The following CTPS2 variants were observed in gnomAD, a reference collection of about 807,000 sequenced individuals.
CTPS2 encodes CTP synthase II.
CTPS2 carries 19 observed loss-of-function variants against 46.8 expected under a neutral mutation model. That is an observed-to-expected ratio of 0.41 (90% confidence interval 0.28 to 0.60). The LOEUF is 0.60. CTPS2 is among the 20% of genes least tolerant of loss of function. The pLI, the probability that CTPS2 is intolerant of heterozygous loss-of-function variation, is 0.35. For missense variants in CTPS2, 286 were observed against 447.6 expected, an observed-to-expected ratio of 0.64 and a Z score of 3.26; for synonymous variants, 151 against 165.2, an observed-to-expected ratio of 0.91 and a Z score of 0.66.
intron 8 of CTPS2, among the ~76,000 whole-genome samples, chrX:16,685,777 G>A (rs1431687007): frequency 9.8e-6 from 1 of 102,502 alleles, no homozygotes; most frequent in Non-Finnish European, 2.0e-5. Context: ...TGAGGCAGGA[G>A]AATGGCATGA....
At chrX:16,649,887 G>A (rs1932518531) in intron 13 of CTPS2, among the ~76,000 whole-genome samples, 1 of 111,953 alleles carries the variant, frequency 8.9e-6, no homozygotes, top group African/African-American at 3.2e-5. Context: ...TTTATGAAAT[G>A]TGAACTGTGA....
chrX:16,670,996 G>C (rs1297977393), intron 10 of CTPS2, among the ~76,000 whole-genome samples: 2 of 111,909 alleles, frequency 1.8e-5, no homozygotes, highest in Non-Finnish European at 3.8e-5. Context: ...ATAGGTTAAG[G>C]TTCTTTCAAA....
intron 10 of CTPS2, among the ~76,000 whole-genome samples, chrX:16,676,380 GA>G (rs1922275256): frequency 8.9e-6 from 1 of 111,802 alleles, no homozygotes; most frequent in South Asian, 3.7e-4. Context: ...ACCTCAAAAA[GA>G]GAGGAATTTA....
At chrX:16,637,187 C>T (rs1261828544) in intron 14 of CTPS2, among the ~76,000 whole-genome samples, 1 of 111,595 alleles carries the variant, frequency 9.0e-6, no homozygotes, top group Non-Finnish European at 1.9e-5. Context: ...CCTCCCACCT[C>T]AGCCTCCCAA....
intron 13 of CTPS2, among the ~76,000 whole-genome samples, chrX:16,657,746 C>T (rs991755374): frequency 1.8e-5 from 2 of 111,955 alleles, no homozygotes; most frequent in Non-Finnish European, 3.8e-5. Flanking sequence ...ATTAGCCTCT[C>T]AGCACTCTTA....
chrX:16,595,875 A>G (rs1445830458), intron 17 of CTPS2, among the ~76,000 whole-genome samples: 1 of 110,875 alleles, frequency 9.0e-6, no homozygotes, highest in East Asian at 2.9e-4. Flanking sequence ...TTTCCTTAAA[A>G]AAAATTTTTT....
At chrX:16,712,182 G>A (rs998851672) in intron 1 of CTPS2, 153 bp downstream of exon 1, 1 of 112,350 alleles carries the variant, frequency 8.9e-6, no homozygotes, top group Non-Finnish European at 1.9e-5. Context: ...TCAGCGCTGG[G>A]CAGGGAGCCG....
chrX:16,675,126 G>C (rs1212759997), intron 10 of CTPS2, among the ~76,000 whole-genome samples: 2 of 110,104 alleles, frequency 1.8e-5, no homozygotes, highest in African/African-American at 3.3e-5. Flanking sequence ...AAATTAGTCA[G>C]GCATGATGGC....
At position 16,673,439 on chromosome X, in the gene CTPS2, T is replaced by C. The variant is rs780606941; in HGVS notation, c.1095-2765A>G. Among the ~76,000 whole-genome samples the C allele has an allele frequency of 1.1e-4, 12 of 111,537 alleles. 1 individual carries two copies. The South Asian group carries it at 4.5e-3, about 42-fold the overall frequency. Reference sequence around the variant, plus strand: ...TGCAACCATGTGGCAGTACTTTCTCTTGGTCTCCATCATCACAATGGTGAC... The same window carrying C: ...TGCAACCATGTGGCAGTACTTTCTCCTGGTCTCCATCATCACAATGGTGAC... On this transcript the variant is annotated intron_variant, in intron 10 of 18. Transcript: ENST00000359276.
At chrX:16,594,910 A>G (rs1260698090) in intron 17 of CTPS2, among the ~76,000 whole-genome samples, 1 of 112,917 alleles carries the variant, frequency 8.9e-6, no homozygotes, top group African/African-American at 3.2e-5. Flanking sequence ...TTCATCTGCC[A>G]ATAAAAAACA....
chrX:16,621,042 T>C (rs929249827), intron 14 of CTPS2, among the ~76,000 whole-genome samples: 2 of 111,263 alleles, frequency 1.8e-5, no homozygotes, highest in African/African-American at 3.3e-5. Flanking sequence ...AACTGGTGGA[T>C]TAAATGATAG....
chrX:16,597,043 T>C (rs1452348662), intron 17 of CTPS2, among the ~76,000 whole-genome samples: 4 of 108,877 alleles, frequency 3.7e-5, no homozygotes, highest in Non-Finnish European at 7.6e-5. Context: ...ATGGGGTTGT[T>C]TGTTTTTTCT....
At chrX:16,693,991 C>T (rs1366319463) in intron 4 of CTPS2, among the ~76,000 whole-genome samples, 1 of 109,401 alleles carries the variant, frequency 9.1e-6, no homozygotes, top group Non-Finnish European at 1.9e-5. Flanking sequence ...TGGTGAAACC[C>T]TGTCTCTACT....
At chrX:16,591,372 T>C (rs1222297180) in intron 17 of CTPS2, among the ~76,000 whole-genome samples, 2 of 111,565 alleles carry the variant, frequency 1.8e-5, no homozygotes, top group Non-Finnish European at 3.8e-5. Flanking sequence ...CACTTAGTCC[T>C]ACTCCTACTG....
intron 3 of CTPS2, 80 bp from the exon 4 acceptor site, chrX:16,698,416 G>A (rs1602285230): frequency 1.4e-5 from 9 of 630,077 alleles, no homozygotes; most frequent in Non-Finnish European, 2.2e-5. Context: ...CCAATCACCT[G>A]AAAGTCACCT....
chrX:16,603,456 T>TAAAA (rs1929791632), intron 17 of CTPS2, among the ~76,000 whole-genome samples: 2 of 108,168 alleles, frequency 1.8e-5, no homozygotes, highest in Non-Finnish European at 3.8e-5. Flanking sequence ...AATAAATAAA[T>TAAAA]AAAACCAAAA....
chrX:16,632,479 T>G (rs1287243332), intron 14 of CTPS2, among the ~76,000 whole-genome samples: 1 of 108,167 alleles, frequency 9.2e-6, no homozygotes, highest in Non-Finnish European at 1.9e-5. Flanking sequence ...TGGAGTGCAG[T>G]GGCATGATCT....
At chrX:16,682,893 T>C (rs1281641854) in intron 9 of CTPS2, among the ~76,000 whole-genome samples, 3 of 112,254 alleles carry the variant, frequency 2.7e-5, no homozygotes, top group African/African-American at 9.7e-5. Flanking sequence ...CGACTTTTCC[T>C]TGGCTGATTT....
chrX:16,686,770 G>A (rs1405795542), intron 8 of CTPS2, among the ~76,000 whole-genome samples: 1 of 111,561 alleles, frequency 9.0e-6, no homozygotes, highest in Non-Finnish European at 1.9e-5. Context: ...CAAGCATGGT[G>A]GCATGCACCT....
Sources: gnomAD v4.1 joint callset for allele counts (sites outside exome capture counted in the v4.1 genomes callset) on GRCh38, gnomAD v4.1.1 for gene constraint, MANE v1.5 for transcripts, NCBI Gene and HGNC (gene_info 2026-07-23, HGNC 2026-07-21) for gene names.